The following ESRRG variants were observed in gnomAD, a reference collection of about 807,000 sequenced individuals.
The protein encoded by ESRRG is estrogen related receptor gamma.
Under a neutral mutation model 44.0 loss-of-function variants are expected in ESRRG, and 13 were observed. The ratio of observed to expected loss-of-function variants is 0.30; its 90% CI spans 0.19 to 0.47. The LOEUF is 0.47. Among genes scored for constraint, ESRRG ranks in the 20% least tolerant of loss-of-function variants. The pLI is 1.00. For missense variants in ESRRG, 395 were observed against 580.6 expected (o/e 0.68, Z 3.29); for synonymous variants, 215 against 214.6 (o/e 1.00, Z -0.02).
intron 3 of ESRRG, among the ~76,000 whole-genome samples, chr1:216,591,700 G>A (rs990237558): frequency 1.3e-5 from 2 of 152,100 alleles, no homozygotes; most frequent in Admixed American, 1.3e-4. Context: ...AAGAGTTATG[G>A]GGATGTGTCA....
intron 1 of ESRRG, among the ~76,000 whole-genome samples, chr1:216,722,403 CT>C (rs1236871575): frequency 7.6e-6 from 1 of 130,810 alleles, no homozygotes; most frequent in Non-Finnish European, 1.6e-5. Flanking sequence ...CTCGTACCCC[CT>C]ACTCACTCCC....
At chr1:216,992,104 C>G (rs761770466) in intron 1 of ESRRG, among the ~76,000 whole-genome samples, 2 of 152,118 alleles carry the variant, frequency 1.3e-5, no homozygotes, top group Admixed American at 1.3e-4. Flanking sequence ...TTGGTTGGAC[C>G]TACATAACCT....
chr1:216,556,513 G>T (rs11572792), intron 5 of ESRRG, among the ~76,000 whole-genome samples: 3 of 152,136 alleles, frequency 2.0e-5, no homozygotes, highest in Admixed American at 2.0e-4. Context: ...TAATTCAAAA[G>T]TTCCAATTTT....
chr1:216,891,583 C>T (rs533516835), intron 2 of ESRRG, among the ~76,000 whole-genome samples: 126 of 152,226 alleles, frequency 8.3e-4, no homozygotes, highest in African/African-American at 2.9e-3. Context: ...GTCACTTGCT[C>T]GTGCTCATCA....
intron 2 of ESRRG, among the ~76,000 whole-genome samples, chr1:216,736,409 T>C (rs1049844323): frequency 7.2e-5 from 11 of 152,084 alleles, no homozygotes; most frequent in Admixed American, 6.5e-5. Flanking sequence ...GGTCTCGATC[T>C]GCGGACCTCG....
At chr1:217,101,833 T>A (rs2092517186) in intron 1 of ESRRG, among the ~76,000 whole-genome samples, 1 of 152,078 alleles carries the variant, frequency 6.6e-6, no homozygotes. Flanking sequence ...TGAGACAGAG[T>A]TTCACTCTTG....
At chr1:216,662,626 T>C (rs1295007715) in intron 2 of ESRRG, among the ~76,000 whole-genome samples, 1 of 150,878 alleles carries the variant, frequency 6.6e-6, no homozygotes, top group African/African-American at 2.4e-5. Context: ...GCAGGGAGAG[T>C]GGGGGGGTTC....
At chr1:216,854,009 T>G (rs1577263127) in intron 2 of ESRRG, among the ~76,000 whole-genome samples, 1 of 152,054 alleles carries the variant, frequency 6.6e-6, no homozygotes, top group African/African-American at 2.4e-5. Context: ...ATCAATTACT[T>G]TGTGAATCAG....
In ESRRG at chr1:216,943,199, C is replaced by G. The variant is rs78192876; in HGVS notation, c.-105-3526G>C. 3.3e-5 allele frequency among the ~76,000 whole-genome samples: 5 copies of G among 152,238 alleles called. No homozygotes were observed. In the South Asian group the frequency reaches 1.0e-3, roughly 32 times the overall value. On this transcript the variant is annotated intron_variant, in intron 1 of 7. Coordinates refer to the ESRRG transcript ENST00000359162. ...TGTAGTATGAGAGAGGAAGAGAAAG[C>G]CTCTGGATTCTCTTTCCTATCCCAG...
intron 2 of ESRRG, among the ~76,000 whole-genome samples, chr1:216,813,822 C>T (rs1437674733): frequency 6.6e-6 from 1 of 152,132 alleles, no homozygotes; most frequent in East Asian, 1.9e-4. Context: ...GGGGACATCA[C>T]TCAGAAAACA....
At chr1:216,915,949 G>A (rs142943149) in intron 2 of ESRRG, among the ~76,000 whole-genome samples, 4 of 152,272 alleles carry the variant, frequency 2.6e-5, no homozygotes, top group South Asian at 2.1e-4. Context: ...TGAACTATTC[G>A]CCACGGGAGG....
At chr1:216,658,911 AAGAG>A (rs2071480075) in intron 2 of ESRRG, among the ~76,000 whole-genome samples, 1 of 148,614 alleles carries the variant, frequency 6.7e-6, no homozygotes, top group Non-Finnish European at 1.5e-5. Context: ...AAGAGAAGAG[AAGAG>A]AAATAAAGAA....
chr1:216,644,636 C>T (rs2067156977), intron 3 of ESRRG, among the ~76,000 whole-genome samples: 1 of 151,502 alleles, frequency 6.6e-6, no homozygotes, highest in African/African-American at 2.4e-5. Flanking sequence ...AGGGTTTCAT[C>T]ACGTTGCCCA....
At chr1:216,712,506 G>C (rs1029473119) in intron 1 of ESRRG, among the ~76,000 whole-genome samples, 7 of 152,196 alleles carry the variant, frequency 4.6e-5, no homozygotes, top group Non-Finnish European at 1.0e-4. Context: ...TTGGCGACGT[G>C]ATGAATACCC....
At chr1:216,783,502 C>A (rs1224907332) in intron 2 of ESRRG, among the ~76,000 whole-genome samples, 1 of 152,072 alleles carries the variant, frequency 6.6e-6, no homozygotes, top group African/African-American at 2.4e-5. Flanking sequence ...TTTACCTCAT[C>A]GGAAATCACA....
chr1:216,966,164 T>A (rs762731462), intron 1 of ESRRG, among the ~76,000 whole-genome samples: 6 of 152,146 alleles, frequency 3.9e-5, no homozygotes, highest in Non-Finnish European at 8.8e-5. Context: ...TGGACACGTG[T>A]CCTAGCCCAG....
intron 2 of ESRRG, among the ~76,000 whole-genome samples, chr1:216,760,256 C>A (rs1576246504): frequency 9.3e-6 from 1 of 108,024 alleles, no homozygotes; most frequent in South Asian, 3.5e-4. Context: ...TTTCTCATAA[C>A]CAATAAAAAA....
intron 1 of ESRRG, among the ~76,000 whole-genome samples, chr1:217,058,055 A>C (rs576376457): frequency 6.6e-6 from 1 of 152,142 alleles, no homozygotes; most frequent in South Asian, 2.1e-4. Flanking sequence ...ATTCAAGAAA[A>C]TGTCCTGAAG....
intron 1 of ESRRG, among the ~76,000 whole-genome samples, chr1:217,012,881 A>G (rs1377985826): frequency 6.6e-6 from 1 of 152,206 alleles, no homozygotes; most frequent in African/African-American, 2.4e-5. Context: ...GTAATATATT[A>G]TCTCAGCTCT....
Sources: allele counts gnomAD v4.1 joint callset (sites outside exome capture counted in the v4.1 genomes callset), GRCh38; gene constraint gnomAD v4.1.1; transcripts MANE v1.5; gene names NCBI Gene and HGNC (gene_info 2026-07-23, HGNC 2026-07-21).